Variants in CADM2 observed in about 807,000 individuals in gnomAD.
The protein encoded by CADM2 is immunoglobulin superfamily member 4D.
CADM2 carries 12 observed loss-of-function variants against 49.8 expected under a neutral mutation model. The ratio of observed to expected loss-of-function variants is 0.24; its 90% confidence interval spans 0.15 to 0.39. CADM2 has a LOEUF of 0.39. Ranked by LOEUF, CADM2 falls within the 10% of genes least tolerant of loss-of-function variation. The pLI, the probability that CADM2 is intolerant of heterozygous loss-of-function variation, is 1.00. For synonymous variants in CADM2, 214 were observed against 175.4 expected (o/e 1.22, Z -1.74); for missense variants, 378 against 492.3 (o/e 0.77, Z 2.20).
intron 1 of CADM2, among the ~76,000 whole-genome samples, chr3:85,099,327 C>T (rs1167367779): frequency 1.3e-5 from 2 of 152,124 alleles, no homozygotes; most frequent in African/African-American, 4.8e-5. Flanking sequence ...AGATTGAAAA[C>T]TCCATCAGGG....
intron 1 of CADM2, among the ~76,000 whole-genome samples, chr3:84,980,146 C>CACTAT (rs2032081542): frequency 6.6e-6 from 1 of 152,134 alleles, no homozygotes; most frequent in Non-Finnish European, 1.5e-5. Context: ...TGTTTATAGG[C>CACTAT]GTTCTAGAAG....
At chr3:85,829,047 A>C (rs995519449) in intron 3 of CADM2, among the ~76,000 whole-genome samples, 1 of 151,960 alleles carries the variant, frequency 6.6e-6, no homozygotes, top group African/African-American at 2.4e-5. Context: ...CACCCTATAT[A>C]AAAATAATAA....
At chr3:85,246,724 A>G (rs1337703743) in intron 1 of CADM2, among the ~76,000 whole-genome samples, 2 of 152,108 alleles carry the variant, frequency 1.3e-5, no homozygotes, top group Non-Finnish European at 2.9e-5. Flanking sequence ...GCAACTGATC[A>G]TTTAGAATAA....
intron 1 of CADM2, among the ~76,000 whole-genome samples, chr3:85,562,500 A>C (rs1447625196): frequency 6.7e-6 from 1 of 149,966 alleles, no homozygotes; most frequent in Non-Finnish European, 1.5e-5. Flanking sequence ...AAAAAAAAAA[A>C]AAAAGACCTA....
At chr3:85,309,912 A>G (rs897680813) in intron 1 of CADM2, among the ~76,000 whole-genome samples, 1 of 152,210 alleles carries the variant, frequency 6.6e-6, no homozygotes, top group African/African-American at 2.4e-5. Context: ...TGACCATATG[A>G]AGAATGTTTC....
At chr3:85,012,064 G>A (rs1195478517) in intron 1 of CADM2, among the ~76,000 whole-genome samples, 6 of 149,692 alleles carry the variant, frequency 4.0e-5, no homozygotes, top group South Asian at 2.1e-4. Flanking sequence ...ATATAATGGC[G>A]AAGGGCCTGG....
At chr3:85,594,184 A>G (rs1490301336) in intron 1 of CADM2, among the ~76,000 whole-genome samples, 1 of 151,878 alleles carries the variant, frequency 6.6e-6, no homozygotes, top group Non-Finnish European at 1.5e-5. Context: ...TTCAAAGGTA[A>G]TTGAAAATAT....
At chr3:85,474,586 T>TTA (rs1660365081) in intron 1 of CADM2, among the ~76,000 whole-genome samples, 1 of 151,900 alleles carries the variant, frequency 6.6e-6, no homozygotes, top group South Asian at 2.1e-4. Context: ...AATGAGTGAT[T>TTA]AAAACACTCC....
chr3:85,270,226 A>G (rs2043209521), intron 1 of CADM2, among the ~76,000 whole-genome samples: 1 of 151,394 alleles, frequency 6.6e-6, no homozygotes, highest in Non-Finnish European at 1.5e-5. Context: ...ATAATTAAAT[A>G]CTTTATAAAA....
intron 8 of CADM2, among the ~76,000 whole-genome samples, chr3:86,058,977 T>C (rs1347794795): frequency 6.6e-6 from 1 of 151,094 alleles, no homozygotes; most frequent in Non-Finnish European, 1.5e-5. Flanking sequence ...GCCTATAATC[T>C]CAGCTACTTG....
chr3:85,935,055 G>A (rs1164948211), intron 6 of CADM2, among the ~76,000 whole-genome samples: 1 of 151,924 alleles, frequency 6.6e-6, no homozygotes, highest in East Asian at 1.9e-4. Context: ...AAGGAATATT[G>A]TATGTCATTC....
chr3:85,561,266 T>C (rs1480253953), intron 1 of CADM2, among the ~76,000 whole-genome samples: 7 of 152,210 alleles, frequency 4.6e-5, no homozygotes, highest in Non-Finnish European at 1.0e-4. Context: ...TCATTTATGT[T>C]GCTTAATTTT....
At chr3:85,003,349 C>T (rs1234555207) in intron 1 of CADM2, among the ~76,000 whole-genome samples, 1 of 151,838 alleles carries the variant, frequency 6.6e-6, no homozygotes, top group Admixed American at 6.6e-5. Context: ...CTATGGTTAC[C>T]TTGATTTTTC....
At chr3:85,639,844 A>AT (rs2064652197) in intron 1 of CADM2, among the ~76,000 whole-genome samples, 1 of 152,182 alleles carries the variant, frequency 6.6e-6, no homozygotes, top group East Asian at 1.9e-4. Flanking sequence ...CATGAAATAA[A>AT]TAAAAAAAAT....
At chr3:85,883,726 T>C (rs764788450) in intron 4 of CADM2, among the ~76,000 whole-genome samples, 2 of 152,206 alleles carry the variant, frequency 1.3e-5, no homozygotes, top group Non-Finnish European at 2.9e-5. Context: ...TGATTTCAGC[T>C]AATTTCTTTT....
intron 7 of CADM2, among the ~76,000 whole-genome samples, chr3:85,949,363 A>C (rs1346316888): frequency 6.6e-6 from 1 of 151,290 alleles, no homozygotes; most frequent in Non-Finnish European, 1.5e-5. Flanking sequence ...TCACACCTTA[A>C]AGGGTTTGAA....
chr3:85,771,407 AG>A (rs1423198307), intron 2 of CADM2, among the ~76,000 whole-genome samples: 1 of 152,110 alleles, frequency 6.6e-6, no homozygotes, highest in African/African-American at 2.4e-5. Context: ...TCTAGAATTC[AG>A]TATTTTTCTA....
intron 1 of CADM2, among the ~76,000 whole-genome samples, chr3:85,314,056 T>C (rs1451030231): frequency 6.6e-6 from 1 of 152,018 alleles, no homozygotes; most frequent in East Asian, 1.9e-4. Context: ...CGCCTGGTAA[T>C]TTTTTGTATT....
At chr3:85,182,819 C>G (rs1363968798) in intron 1 of CADM2, among the ~76,000 whole-genome samples, 1 of 151,990 alleles carries the variant, frequency 6.6e-6, no homozygotes, top group African/African-American at 2.4e-5. Flanking sequence ...TTCCAATTCT[C>G]TGTATATTTT....
Sources: gnomAD v4.1 joint callset for allele counts (sites outside exome capture counted in the v4.1 genomes callset) on GRCh38, gnomAD v4.1.1 for gene constraint, MANE v1.5 for transcripts, NCBI Gene and HGNC (gene_info 2026-07-23, HGNC 2026-07-21) for gene names.